OR2M3: variants seen among roughly 807,000 people sequenced by gnomAD.
OR2M3 encodes olfactory receptor family 2 subfamily M member 3, also known as olfactory receptor 2M3.
OR2M3 carries 1 observed loss-of-function variant against 4.3 expected under a neutral mutation model. The observed-to-expected ratio is 0.23, with a 90% CI of 0.08 to 1.11. The LOEUF is 1.11. Ranked by LOEUF, OR2M3 falls within the 50% of genes most tolerant of loss-of-function variation. The pLI, the probability that OR2M3 is intolerant of heterozygous loss-of-function variation, is 0.54. For synonymous variants in OR2M3, 151 were observed against 139.4 expected, an observed-to-expected ratio of 1.08 and a Z score of -0.59; for missense variants, 410 against 390.4, an observed-to-expected ratio of 1.05 and a Z score of -0.42.
rs1666289112 is a variant in OR2M3, at chr1:248,212,186, C to T, written c.*8180C>T. 6.6e-6 allele frequency: 1 copy of T among 152,014 alleles called. No homozygotes were observed. The highest frequency in any genetic ancestry group is 1.5e-5 in the Non-Finnish European group (1 of 67,990). 9.4% of individuals were successfully genotyped at this position (152,014 alleles called of 1,614,324 possible). ...CCTTACCTTGAAATAAATAGTGAAA[C>T]TGTACATGAAACAAGAAGTATACTA... On this transcript the variant is annotated 3_prime_UTR_variant, in exon 2 of 2. Coordinates refer to ENST00000641626, the MANE Select transcript of OR2M3 (RefSeq NM_001004689.2).
In OR2M3 at chr1:248,203,159, T is replaced by C. The variant is rs776106935; in HGVS notation, c.92T>C (p.Val31Ala). The C allele has an allele frequency of 1.9e-5, 30 of 1,613,944 alleles. No individual in the cohort carries two copies. The highest frequency in any genetic ancestry group is 2.7e-5 in the African/African-American group (2 of 74,896). Reference sequence around the variant, plus strand: ...ACCCACACCTTCCTCTTCTTTCTGGTCCTGGCCATCTTTTCAGTGGCCTTC... The same window carrying C: ...ACCCACACCTTCCTCTTCTTTCTGGCCCTGGCCATCTTTTCAGTGGCCTTC... ...SPTHTFLFFL[V>A]LAIFSVAFMG... The change falls in exon 2 of 2, where the codon GTC (valine) becomes GCC (alanine). Residue 31 changes from valine to alanine, a missense_variant. Physicochemically the swap from Val to Ala is moderately conservative, Grantham distance 64 (BLOSUM62 0). Coordinates refer to ENST00000641626, the MANE Select transcript of OR2M3 (RefSeq NM_001004689.2).
intron 1 of OR2M3, among the ~76,000 whole-genome samples, chr1:248,201,043 T>C (rs1175128799): frequency 6.6e-6 from 1 of 152,162 alleles, no homozygotes; most frequent in African/African-American, 2.4e-5. Context: ...CAGGCTTCTT[T>C]TTCTGTTTAG....
chr1:248,203,642 C>A lies in OR2M3; in HGVS notation c.575C>A (p.Thr192Lys). Reference protein sequence around the residue: ...PSLLILSCSDTSIFEKILFIC... With the variant: ...PSLLILSCSDKSIFEKILFIC... ...CTACTAATCCTCTCATGCAGTGACACATCAATATTTGAAAAGATTCTTTTC... is the reference window on the plus strand; with the variant it reads ...CTACTAATCCTCTCATGCAGTGACAAATCAATATTTGAAAAGATTCTTTTC... Residue 192 changes from threonine to lysine, a missense_variant, in exon 2 of 2, where the codon ACA becomes AAA. Transcript: ENST00000641626. The A allele has an allele frequency of 6.2e-7, 1 of 1,613,878 alleles. No individual in the cohort carries two copies. Among genetic ancestry groups the A allele is most frequent in the Non-Finnish European group, 8.5e-7 (1 of 1,179,808 alleles).
rs774144295 is a variant in OR2M3 at position 248,203,956 on chromosome 1, G to A, written c.889G>A (p.Val297Met). The A allele has an allele frequency of 3.1e-6, 5 of 1,613,750 alleles. No homozygotes were observed. Among genetic ancestry groups the A allele is most frequent in the Non-Finnish European group, 4.2e-6 (5 of 1,179,912 alleles). Reference sequence around the variant, plus strand: ...CATCTACAGCCTCCGCAACAAGGAGGTGACCAGAGCATTCATGAAGATCTT... The same window carrying A: ...CATCTACAGCCTCCGCAACAAGGAGATGACCAGAGCATTCATGAAGATCTT... ...PLIYSLRNKE[V>M]TRAFMKILGK... Residue 297 changes from valine (V) to methionine (M), a missense_variant, in exon 2 of 2, where the codon GTG (valine) becomes ATG (methionine). Physicochemically the swap from Val to Met is conservative, Grantham distance 21. Transcript: ENST00000641626.
chr1:248,202,074 A>T (rs949985394), intron 1 of OR2M3, among the ~76,000 whole-genome samples: 1 of 152,176 alleles, frequency 6.6e-6, no homozygotes, highest in East Asian at 1.9e-4. Context: ...CTGGTTACCT[A>T]AAACAACAGA....
At chr1:248,202,463 T>C (rs889528108) in intron 1 of OR2M3, among the ~76,000 whole-genome samples, 4 of 152,162 alleles carry the variant, frequency 2.6e-5, no homozygotes, top group African/African-American at 9.7e-5. Flanking sequence ...TCCGTAACAC[T>C]GGGCTATGGA....
rs1156776641 is a variant in OR2M3 at position 248,209,406 on chromosome 1, GA to G, written c.*5402del. On this transcript the variant is annotated 3_prime_UTR_variant, in exon 2 of 2. Transcript: ENST00000641626. ...CAGAACCTTGTTTTATCATATTACAGAATTTTTTTTTCTGGTTCCTTCTTAT... is the reference window on the plus strand; with the variant it reads ...CAGAACCTTGTTTTATCATATTACAGATTTTTTTTTCTGGTTCCTTCTTAT... The G allele has an allele frequency of 6.7e-6, 1 of 150,006 alleles. No homozygotes were observed. Among genetic ancestry groups the G allele is most frequent in the Non-Finnish European group, 1.5e-5 (1 of 68,014 alleles). 9.3% of individuals were successfully genotyped at this position (150,006 alleles called of 1,614,324 possible).
Position 248,207,949 on chromosome 1 carries a change from C to T in OR2M3, c.*3943C>T. The T allele has an allele frequency of 6.6e-6, 1 of 152,012 alleles. No homozygotes were observed. Among genetic ancestry groups the T allele is most frequent in the South Asian group, 2.1e-4 (1 of 4,832 alleles). 9.4% of individuals were successfully genotyped at this position (152,012 alleles called of 1,614,324 possible). On this transcript the variant is annotated 3_prime_UTR_variant, in exon 2 of 2. Transcript: ENST00000641626. ...TATTGCATTGTCATCTATCTCCTTT[C>T]TTAGGTCTAGTAGTAATTGTTTTAT...
Position 248,209,127 on chromosome 1 carries a change from C to A in OR2M3, c.*5121C>A, listed in dbSNP as rs1335531976. 1 of 152,062 alleles carries A rather than the reference C, an allele frequency of 6.6e-6. No individual in the cohort carries two copies. Among genetic ancestry groups the A allele is most frequent in the African/African-American group, 2.4e-5 (1 of 41,402 alleles). 9.4% of individuals were successfully genotyped at this position (152,062 alleles called of 1,614,324 possible). A position where few individuals can be genotyped will look rare whatever the true frequency, so the allele number is the denominator to read the frequency against. The stretch of plus-strand genomic sequence containing the variant: ...ATTTTATTGGTGAGAATTTCCAGTG[C>A]ATTTCACATTTCTCTAAGTGTGTCC... On this transcript the variant is annotated 3_prime_UTR_variant, in exon 2 of 2. Transcript: ENST00000641626.
chr1:248,202,130 A>T (rs551233181), intron 1 of OR2M3, among the ~76,000 whole-genome samples: 1 of 152,168 alleles, frequency 6.6e-6, no homozygotes, highest in Non-Finnish European at 1.5e-5. Flanking sequence ...TGAAATCAAG[A>T]TGTCACCAGG....
rs1391471631 is a variant in OR2M3, at chr1:248,205,966, C to T, written c.*1960C>T. ...TATTTGTGTTGTCAATGATTTTTTT[C>T]AGCAGTGTTTTGTATTTTTCCTTGT... On this transcript the variant is annotated 3_prime_UTR_variant, in exon 2 of 2. Transcript: ENST00000641626. The T allele has an allele frequency of 6.6e-6, 1 of 151,878 alleles. No homozygotes were observed. The highest frequency in any genetic ancestry group is 1.5e-5 in the Non-Finnish European group (1 of 67,914). The allele number at this position is 151,878 out of a possible 1,614,324, so 9.4% of individuals were successfully genotyped here. A position where few individuals can be genotyped will look rare whatever the true frequency, so the allele number is the denominator to read the frequency against.
At chr1:248,201,524 C>T (rs977277513) in intron 1 of OR2M3, among the ~76,000 whole-genome samples, 2 of 151,842 alleles carry the variant, frequency 1.3e-5, no homozygotes, top group Admixed American at 6.6e-5. Flanking sequence ...ATACATGTGC[C>T]ATGCTGGTGT....
rs534195615 is a variant in OR2M3 at position 248,203,931 on chromosome 1, C to T, written c.864C>T (p.Leu288=). 5.6e-6 allele frequency: 9 copies of T among 1,613,914 alleles called. No homozygotes were observed. In the Admixed American group the frequency reaches 6.7e-5, roughly 12 times the overall value. The stretch of plus-strand genomic sequence containing the variant: ...TCCTCACTCCCATGTTGAATCCCCT[C>T]ATCTACAGCCTCCGCAACAAGGAGG... ...YTILTPMLNP[L]IYSLRNKEVT... is the part of the protein sequence containing the mutation. The change falls in exon 2 of 2, where the codon CTC becomes CTT. Residue 288 remains leucine (L), a synonymous_variant. Transcript: ENST00000641626.
intron 1 of OR2M3, among the ~76,000 whole-genome samples, 177 bp from the exon 2 acceptor site, chr1:248,202,873 G>A (rs1205875473): frequency 5.9e-5 from 9 of 151,874 alleles, no homozygotes; most frequent in African/African-American, 1.7e-4. Context: ...CTATAATTTC[G>A]TGAGACAGTG....
At chr1:248,200,469 A>C (rs892161230) in intron 1 of OR2M3, among the ~76,000 whole-genome samples, 1 of 152,126 alleles carries the variant, frequency 6.6e-6, no homozygotes, top group Non-Finnish European at 1.5e-5. Flanking sequence ...AGAGATGCCC[A>C]TTTCTCATTC....
intron 1 of OR2M3, among the ~76,000 whole-genome samples, chr1:248,201,191 T>G (rs1666153006): frequency 6.6e-6 from 1 of 152,154 alleles, no homozygotes; most frequent in South Asian, 2.1e-4. Flanking sequence ...ACCCTGTGTT[T>G]TCTCAAAATC....
Position 248,203,456 on chromosome 1 carries a change from T to G in OR2M3, c.389T>G (p.Leu130Arg). Residue 130 changes from leucine (L) to arginine (R), a missense_variant, in exon 2 of 2, where the codon CTA (leucine) becomes CGA (arginine). Physicochemically the swap from Leu to Arg is moderately radical, Grantham distance 102 (BLOSUM62 -2). Coordinates refer to ENST00000641626, the MANE Select transcript of OR2M3 (RefSeq NM_001004689.2). ...YDRYTAICHP[L>R]RYTNLMSPKI... The stretch of plus-strand genomic sequence containing the variant: ...CGCTACACTGCCATTTGCCACCCTC[T>G]AAGATACACCAATCTCATGAGCCCT... 6.2e-7 allele frequency: 1 copy of G among 1,613,960 alleles called. No individual in the cohort carries two copies. The highest frequency in any genetic ancestry group is 8.5e-7 in the Non-Finnish European group (1 of 1,179,918).
At position 248,203,248 on chromosome 1, in the gene OR2M3, C is replaced by T. The variant is rs776150417; in HGVS notation, c.181C>T (p.Leu61Phe). 6.2e-6 allele frequency: 10 copies of T among 1,613,912 alleles called. No individual in the cohort carries two copies. The highest frequency in any genetic ancestry group is 3.3e-5 in the Admixed American group (2 of 59,984). ...CACCCAGCTCCACACCCCCATGTAC[C>T]TCCTCCTCAGCCAACTGTCCCTCAT... ...LDTQLHTPMY[L>F]LLSQLSLMDL... Residue 61 changes from leucine (L) to phenylalanine (F), a missense_variant, in exon 2 of 2, where the codon CTC (leucine) becomes TTC (phenylalanine). Transcript: ENST00000641626.
rs1666282345 is a variant in OR2M3 at position 248,211,514 on chromosome 1, A to G, written c.*7508A>G. The G allele has an allele frequency of 6.6e-6, 1 of 151,758 alleles. No individual in the cohort carries two copies. The highest frequency in any genetic ancestry group is 2.1e-4 in the South Asian group (1 of 4,830). 9.4% of individuals were successfully genotyped at this position (151,758 alleles called of 1,614,324 possible). Reference sequence around the variant, plus strand: ...AATTTTCAAATGTAAGTATATTTTTACATAATAGTAATTTTTTTTTTTTTT... The same window carrying G: ...AATTTTCAAATGTAAGTATATTTTTGCATAATAGTAATTTTTTTTTTTTTT... On this transcript the variant is annotated 3_prime_UTR_variant, in exon 2 of 2. Transcript: ENST00000641626.
Sources: allele counts gnomAD v4.1 joint callset (sites outside exome capture counted in the v4.1 genomes callset), GRCh38; gene constraint gnomAD v4.1.1; transcripts MANE v1.5; gene names NCBI Gene and HGNC (gene_info 2026-07-23, HGNC 2026-07-21).